Variants in HS3ST5 observed in about 807,000 individuals in gnomAD.
The protein encoded by HS3ST5 is heparan sulfate glucosamine 3-O-sulfotransferase 5.
HS3ST5 carries 10 observed loss-of-function variants against 25.4 expected under a neutral mutation model. That is an observed-to-expected ratio of 0.39 (90% confidence interval 0.24 to 0.67). The LOEUF (loss-of-function observed/expected upper bound fraction) is 0.67, where lower values mean the gene tolerates loss of function less well. HS3ST5 is among the 30% of genes least tolerant of loss of function. The pLI is 0.44. For synonymous variants in HS3ST5, 170 were observed against 162.4 expected, an observed-to-expected ratio of 1.05 and a Z score of -0.36; for missense variants, 324 against 420.7, an observed-to-expected ratio of 0.77 and a Z score of 2.01.
chr6:114,189,955 C>T (rs72952582), intron 2 of HS3ST5, among the ~76,000 whole-genome samples: 15,033 of 152,114 alleles, frequency 0.099, 840 homozygotes, highest in Middle Eastern at 0.14. Context: ...TTTGAACTGA[C>T]CAAATTCCCC....
intron 3 of HS3ST5, among the ~76,000 whole-genome samples, chr6:114,139,615 T>G (rs1777808360): frequency 6.6e-6 from 1 of 152,174 alleles, no homozygotes; most frequent in Non-Finnish European, 1.5e-5. Context: ...TATCCCCTAT[T>G]ACTTATTTAA....
intron 3 of HS3ST5, among the ~76,000 whole-genome samples, chr6:114,134,807 C>G (rs1777514037): frequency 1.3e-5 from 2 of 152,176 alleles, no homozygotes; most frequent in African/African-American, 2.4e-5. Flanking sequence ...TGACCCCAGC[C>G]TCTGTGAATT....
chr6:114,095,721 C>T (rs1775389661), intron 3 of HS3ST5, among the ~76,000 whole-genome samples: 1 of 152,134 alleles, frequency 6.6e-6, no homozygotes, highest in Admixed American at 6.6e-5. Flanking sequence ...CTTATTCCCC[C>T]TCTAATTTAT....
chr6:114,104,602 G>A (rs1262115988), intron 3 of HS3ST5, among the ~76,000 whole-genome samples: 7 of 152,188 alleles, frequency 4.6e-5, no homozygotes, highest in Non-Finnish European at 1.0e-4. Flanking sequence ...TCAGCAACAT[G>A]TCGGGCATGA....
intron 1 of HS3ST5, among the ~76,000 whole-genome samples, chr6:114,281,526 C>CCTGTGGCCA (rs1774109378): frequency 6.6e-6 from 1 of 151,922 alleles, no homozygotes; most frequent in Non-Finnish European, 1.5e-5. Flanking sequence ...TTTCCAATCA[C>CCTGTGGCCA]CTGTGGCCAC....
intron 3 of HS3ST5, among the ~76,000 whole-genome samples, chr6:114,104,118 G>A (rs954004928): frequency 6.6e-6 from 1 of 151,982 alleles, no homozygotes; most frequent in Non-Finnish European, 1.5e-5. Flanking sequence ...AAACTGTAGA[G>A]ATCTTTATAA....
intron 3 of HS3ST5, among the ~76,000 whole-genome samples, chr6:114,116,577 G>A (rs79073354): frequency 1.5e-3 from 231 of 152,244 alleles, no homozygotes; most frequent in African/African-American, 5.3e-3. Context: ...ATCTCCAAGA[G>A]CATTAAGAAT....
In HS3ST5 at chr6:114,274,770, G is replaced by T. The variant is rs181838553; in HGVS notation, c.-338-45992C>A. 2.6e-4 allele frequency among the ~76,000 whole-genome samples: 39 copies of T among 152,154 alleles called. No homozygotes were observed. In the East Asian group the frequency reaches 7.2e-3, roughly 28 times the overall value. ...GTGGTTGCAGCAAGGTGAAGGACAAGATCAGCTCAAATATTTATCTGGGTA... is the reference window on the plus strand; with the variant it reads ...GTGGTTGCAGCAAGGTGAAGGACAATATCAGCTCAAATATTTATCTGGGTA... On this transcript the variant is annotated intron_variant, in intron 1 of 4. Transcript: ENST00000312719.
At chr6:114,121,993 G>A (rs1282032161) in intron 3 of HS3ST5, among the ~76,000 whole-genome samples, 4 of 152,178 alleles carry the variant, frequency 2.6e-5, no homozygotes, top group Admixed American at 6.5e-5. Flanking sequence ...GATGCCAGGC[G>A]CTGCTACCTT....
chr6:114,084,379 T>A, intron 3 of HS3ST5: 1 of 756,174 alleles, frequency 1.3e-6, no homozygotes, highest in Non-Finnish European at 2.4e-6. Context: ...ACCCTGAAAT[T>A]CCTCCTCGGT....
intron 3 of HS3ST5, chr6:114,132,332 A>G (rs1249173148): frequency 2.0e-5 from 3 of 152,248 alleles, no homozygotes; most frequent in Non-Finnish European, 4.4e-5. Context: ...CAACCAATGC[A>G]TCAATTTTTG....
At chr6:114,308,158 A>T (rs1369621442) in intron 1 of HS3ST5, among the ~76,000 whole-genome samples, 1 of 152,228 alleles carries the variant, frequency 6.6e-6, no homozygotes, top group African/African-American at 2.4e-5. Context: ...ACATCTATAT[A>T]CTAGTAAGTT....
At chr6:114,152,711 T>C (rs1778516011) in intron 3 of HS3ST5, among the ~76,000 whole-genome samples, 1 of 152,060 alleles carries the variant, frequency 6.6e-6, no homozygotes, top group Non-Finnish European at 1.5e-5. Flanking sequence ...CCTGGACACA[T>C]TTTCTCTTCC....
rs636814 is a variant in HS3ST5, at chr6:114,101,117, G to A, written c.-32-38240C>T. On this transcript the variant is annotated intron_variant, in intron 3 of 4. Coordinates refer to ENST00000312719, the MANE Select transcript of HS3ST5 (RefSeq NM_153612.4). The stretch of plus-strand genomic sequence containing the variant: ...GAGGCTGGCAATCTGTGCAGTATTG[G>A]CAGTCTCGATTAAATGTAATATCTG... 4.1e-3 allele frequency among the ~76,000 whole-genome samples: 619 copies of A among 152,196 alleles called. 6 individuals carry two copies. Among genetic ancestry groups the A allele is most frequent in the African/African-American group, 0.014 (583 of 41,518 alleles).
chr6:114,305,152 A>T (rs1197950573), intron 1 of HS3ST5, among the ~76,000 whole-genome samples: 1 of 152,124 alleles, frequency 6.6e-6, no homozygotes, highest in Non-Finnish European at 1.5e-5. Flanking sequence ...AAAATATTGC[A>T]CTGAGTTCTG....
At chr6:114,063,007 G>T (rs17189832) in intron 3 of HS3ST5, 130 bp from the exon 4 acceptor site, 206,001 of 561,186 alleles carry the variant, frequency 0.37, 40,722 homozygotes, top group African/African-American at 0.58. Context: ...ACTCTCACAA[G>T]TGTCATGATG....
In HS3ST5 at chr6:114,070,337, T is replaced by A. The variant is rs183543169; in HGVS notation, c.-32-7460A>T. On this transcript the variant is annotated intron_variant, in intron 3 of 4. Coordinates refer to ENST00000312719, the MANE Select transcript of HS3ST5 (RefSeq NM_153612.4). The stretch of plus-strand genomic sequence containing the variant: ...TAAAAGGGCAGGTAAAAGGGACCAT[T>A]TAGGTGGTTTGAACCTGATGAAAGC... Among the ~76,000 whole-genome samples, 67 of 151,884 alleles carry A rather than the reference T, an allele frequency of 4.4e-4. 1 individual carries two copies. The highest frequency in any genetic ancestry group is 1.6e-3 in the African/African-American group (66 of 41,410).
intron 1 of HS3ST5, among the ~76,000 whole-genome samples, chr6:114,326,316 G>A (rs1776173324): frequency 6.6e-6 from 1 of 152,098 alleles, no homozygotes. Context: ...CTTGAACCTG[G>A]GAGATGGAGT....
intron 1 of HS3ST5, among the ~76,000 whole-genome samples, chr6:114,267,276 G>A (rs563953042): frequency 1.3e-5 from 2 of 152,324 alleles, no homozygotes; most frequent in South Asian, 4.1e-4. Context: ...CCATTTTAAA[G>A]GGGATCAATT....
Sources: gnomAD v4.1 joint callset for allele counts (sites outside exome capture counted in the v4.1 genomes callset) on GRCh38, gnomAD v4.1.1 for gene constraint, MANE v1.5 for transcripts, NCBI Gene and HGNC (gene_info 2026-07-23, HGNC 2026-07-21) for gene names.